The following ELP4 variants were observed in gnomAD, a reference collection of about 807,000 sequenced individuals.
ELP4 encodes elongator acetyltransferase complex subunit 4, also known as elongator complex protein 4.
A neutral mutation model predicts 48.9 loss-of-function variants in ELP4; 51 were observed. The ratio of observed to expected loss-of-function variants is 1.04; its 90% CI spans 0.83 to 1.32. The LOEUF is 1.32. Among genes scored for constraint, ELP4 ranks in the 40% most tolerant of loss-of-function variants. The probability of loss-of-function intolerance (pLI) is 0.00; values close to 1 mark genes in which losing one functional copy is unlikely to be tolerated. For missense variants in ELP4, 519 were observed against 514.6 expected (o/e 1.01, Z -0.08); for synonymous variants, 210 against 189.2 (o/e 1.11, Z -0.90).
intron 9 of ELP4, chr11:31,681,887 C>T: frequency 3.6e-6 from 1 of 280,504 alleles, no homozygotes; most frequent in Non-Finnish European, 7.0e-6. Context: ...ATTACAGGCG[C>T]CCACCACCAC....
At position 31,672,882 on chromosome 11, in the gene ELP4, G is replaced by T. The variant is rs1257387473; in HGVS notation, c.1143+22661G>T. Among the ~76,000 whole-genome samples the T allele has an allele frequency of 3.9e-5, 6 of 152,154 alleles. No homozygotes were observed. In the East Asian group the frequency reaches 1.2e-3, roughly 29 times the overall value. Reference sequence around the variant, plus strand: ...TATCACATGCACAGTTCACCCAAATGACTTCCATATAAGTTGATGATATTC... The same window carrying T: ...TATCACATGCACAGTTCACCCAAATTACTTCCATATAAGTTGATGATATTC... On this transcript the variant is annotated intron_variant, in intron 9 of 9. Coordinates refer to ENST00000640961, the MANE Select transcript of ELP4 (RefSeq NM_019040.5).
chr11:31,589,725 A>G lies in ELP4; in HGVS notation c.382-5045A>G, dbSNP rs886507869. On this transcript the variant is annotated intron_variant, in intron 3 of 9. Transcript: ENST00000640961. ...AGAATTTCAACTAATTATATATAGAATTGTCTCCATCAGTTTTGACCTTAT... is the reference window on the plus strand; with the variant it reads ...AGAATTTCAACTAATTATATATAGAGTTGTCTCCATCAGTTTTGACCTTAT... 2.6e-5 allele frequency among the ~76,000 whole-genome samples: 4 copies of G among 152,188 alleles called. No individual in the cohort carries two copies. In the East Asian group the frequency reaches 5.8e-4, roughly 22 times the overall value.
At chr11:31,765,618 C>T (rs987559978) in intron 9 of ELP4, among the ~76,000 whole-genome samples, 6 of 151,976 alleles carry the variant, frequency 3.9e-5, no homozygotes, top group Non-Finnish European at 5.9e-5. Flanking sequence ...AAAATTACAA[C>T]GAAAGAATTT....
chr11:31,734,663 A>G (rs1482093242), intron 9 of ELP4, among the ~76,000 whole-genome samples: 1 of 152,250 alleles, frequency 6.6e-6, no homozygotes. Flanking sequence ...CCAAGAAGGC[A>G]AAAGTATTGT....
intron 5 of ELP4, among the ~76,000 whole-genome samples, chr11:31,608,594 TG>T (rs902471113): frequency 7.2e-5 from 5 of 69,038 alleles, no homozygotes; most frequent in Admixed American, 1.7e-4. Flanking sequence ...GGGTGCTGGG[TG>T]GGGGGGTCAG....
chr11:31,741,865 C>T (rs1284559180), intron 9 of ELP4, among the ~76,000 whole-genome samples: 1 of 152,190 alleles, frequency 6.6e-6, no homozygotes, highest in African/African-American at 2.4e-5. Flanking sequence ...GAACGCAGCT[C>T]CTCACCAGCA....
chr11:31,538,259 A>G (rs1464561004), intron 2 of ELP4, among the ~76,000 whole-genome samples: 1 of 148,916 alleles, frequency 6.7e-6, no homozygotes, highest in Admixed American at 6.7e-5. Context: ...ATATTACTAT[A>G]TAAAATATAT....
At chr11:31,626,683 T>C (rs1354288123) in intron 5 of ELP4, among the ~76,000 whole-genome samples, 1 of 151,868 alleles carries the variant, frequency 6.6e-6, no homozygotes, top group Non-Finnish European at 1.5e-5. Flanking sequence ...TTAACTTTGA[T>C]GGAAGATGAG....
At chr11:31,658,140 G>A (rs571390134) in intron 9 of ELP4, among the ~76,000 whole-genome samples, 13 of 151,940 alleles carry the variant, frequency 8.6e-5, no homozygotes, top group South Asian at 2.1e-4. Flanking sequence ...CTGCTATCTC[G>A]TCTTCATTAC....
At chr11:31,576,859 C>A (rs993622663) in intron 3 of ELP4, among the ~76,000 whole-genome samples, 1 of 152,074 alleles carries the variant, frequency 6.6e-6, no homozygotes, top group African/African-American at 2.4e-5. Flanking sequence ...AAAACTGACA[C>A]CCTAACATCA....
intron 9 of ELP4, chr11:31,763,446 C>T (rs1217209120): frequency 1.2e-6 from 2 of 1,609,538 alleles, no homozygotes; most frequent in Non-Finnish European, 1.7e-6. Flanking sequence ...AAGAGAGGAA[C>T]ATTTATCCTC....
chr11:31,774,372 C>T (rs1258284833), intron 9 of ELP4, among the ~76,000 whole-genome samples: 1 of 152,130 alleles, frequency 6.6e-6, no homozygotes, highest in African/African-American at 2.4e-5. Flanking sequence ...GGCTTAGGGG[C>T]ACAGACATCT....
intron 3 of ELP4, among the ~76,000 whole-genome samples, chr11:31,545,910 A>G (rs1956701150): frequency 6.6e-6 from 1 of 152,148 alleles, no homozygotes. Context: ...GGAGAAATAA[A>G]ATCCTTTACA....
chr11:31,519,792 T>G (rs532262480), intron 1 of ELP4, among the ~76,000 whole-genome samples: 9 of 148,902 alleles, frequency 6.0e-5, no homozygotes, highest in African/African-American at 2.2e-4. Context: ...ATTGTGCCAC[T>G]GCACTCCAGC....
chr11:31,731,919 GA>G lies in ELP4; in HGVS notation c.1144-51464del, dbSNP rs922261550. ...GGATAATATATTCAAAGTGCTGAAT[GA>G]AAAAAAAAATTGCCAACAAAGAATA... On this transcript the variant is annotated intron_variant, in intron 9 of 9. Coordinates refer to ENST00000640961, the MANE Select transcript of ELP4 (RefSeq NM_019040.5). 1.6e-3 allele frequency among the ~76,000 whole-genome samples: 244 copies of G among 149,048 alleles called. 2 individuals are homozygous for G. The highest frequency in any genetic ancestry group is 5.1e-3 in the African/African-American group (207 of 40,764).
At chr11:31,724,671 C>A (rs967761098) in intron 9 of ELP4, among the ~76,000 whole-genome samples, 1 of 152,192 alleles carries the variant, frequency 6.6e-6, no homozygotes. Context: ...CATACAAAAG[C>A]ATGAAATAAG....
intron 9 of ELP4, among the ~76,000 whole-genome samples, chr11:31,755,511 A>G (rs1324101354): frequency 6.6e-6 from 1 of 152,250 alleles, no homozygotes; most frequent in Non-Finnish European, 1.5e-5. Flanking sequence ...TGAGAAGCAG[A>G]CATTATTTTT....
At position 31,603,803 on chromosome 11, in the gene ELP4, T is replaced by G. The variant is rs774913398; in HGVS notation, c.549T>G (p.Tyr183Ter). Reference protein sequence around the residue: ...GPVSSSRFGHYYDASKRMPQE... With the variant: ...GPVSSSRFGH ...TATCATCTTCAAGATTTGGTCACTA[T>G]TATGATGCATCAAAAAGAATGCCAC... is the stretch of plus-strand genomic sequence containing the variant. Residue 183 changes from tyrosine to a stop codon, truncating the protein, a stop_gained, in exon 5 of 10, where the codon TAT (tyrosine) becomes TAG (stop). Transcript: ENST00000640961. LOFTEE classifies it high-confidence loss of function. 6.2e-7 allele frequency: 1 copy of G among 1,611,218 alleles called. No individual in the cohort carries two copies. Among genetic ancestry groups the G allele is most frequent in the African/African-American group, 1.3e-5 (1 of 74,966 alleles).
chr11:31,660,266 C>A (rs1038325551), intron 9 of ELP4, among the ~76,000 whole-genome samples: 4 of 152,052 alleles, frequency 2.6e-5, no homozygotes, highest in Non-Finnish European at 5.9e-5. Context: ...AATATTTTCC[C>A]AGCTTGTACT....
Sources: allele counts gnomAD v4.1 joint callset (sites outside exome capture counted in the v4.1 genomes callset), GRCh38; gene constraint gnomAD v4.1.1; transcripts MANE v1.5; gene names NCBI Gene and HGNC (gene_info 2026-07-23, HGNC 2026-07-21).